Variants in GALNT11 observed in about 807,000 individuals in gnomAD.
GALNT11 encodes polypeptide N-acetylgalactosaminyltransferase 11.
In GALNT11, 47 loss-of-function variants were observed where a neutral mutation model predicts 72.7. The observed-to-expected ratio is 0.65, with a 90% CI of 0.51 to 0.82. The LOEUF (loss-of-function observed/expected upper bound fraction) is 0.82, where lower values mean the gene tolerates loss of function less well. Among genes scored for constraint, GALNT11 ranks in the 40% least tolerant of loss-of-function variants. The probability of loss-of-function intolerance (pLI) is 0.00; values close to 1 mark genes in which losing one functional copy is unlikely to be tolerated. For synonymous variants in GALNT11, 270 were observed against 286.6 expected, an observed-to-expected ratio of 0.94 and a Z score of 0.58; for missense variants, 677 against 778.4, an observed-to-expected ratio of 0.87 and a Z score of 1.55.
intron 1 of GALNT11, among the ~76,000 whole-genome samples, chr7:152,062,756 G>C (rs1332983071): frequency 1.3e-5 from 2 of 152,024 alleles, no homozygotes; most frequent in Non-Finnish European, 2.9e-5. Flanking sequence ...CGTTTATATG[G>C]TAGATTACGT....
At chr7:152,070,994 G>A (rs932390131) in intron 1 of GALNT11, among the ~76,000 whole-genome samples, 2 of 152,282 alleles carry the variant, frequency 1.3e-5, no homozygotes, top group South Asian at 4.1e-4. Context: ...GTGCAAATAG[G>A]TGTAGGTCAC....
chr7:152,075,893 C>G (rs1488780604), intron 1 of GALNT11, among the ~76,000 whole-genome samples: 1 of 151,264 alleles, frequency 6.6e-6, no homozygotes, highest in African/African-American at 2.4e-5. Flanking sequence ...AACCCCGTCT[C>G]TACTAAAAAT....
chr7:152,027,236 G>A (rs148094828), intron 1 of GALNT11, among the ~76,000 whole-genome samples: 4,030 of 152,302 alleles, frequency 0.026, 176 homozygotes, highest in African/African-American at 0.092. Flanking sequence ...GTGACAGAGC[G>A]AGACTCCATC....
chr7:152,034,372 G>C lies in GALNT11; in HGVS notation c.-39+8488G>C, dbSNP rs937605427. Among the ~76,000 whole-genome samples the C allele has an allele frequency of 3.9e-5, 6 of 152,162 alleles. No individual in the cohort carries two copies. In the South Asian group the frequency reaches 1.2e-3, roughly 32 times the overall value. The stretch of plus-strand genomic sequence containing the variant: ...CATTTGCCTTCCCTCTTACAGAAAA[G>C]GTCAAGCTTCAGGATAGTATTGTAA... On this transcript the variant is annotated intron_variant, in intron 1 of 11. Coordinates refer to ENST00000430044, the MANE Select transcript of GALNT11 (RefSeq NM_022087.4).
intron 2 of GALNT11, among the ~76,000 whole-genome samples, chr7:152,099,362 A>ATTTATTTATTTC (rs926404051): frequency 1.2e-4 from 18 of 149,382 alleles, no homozygotes; most frequent in South Asian, 4.2e-4. Flanking sequence ...TTATTTATTT[A>ATTTATTTATTTC]TTTATTTATT....
rs1190930309 is a variant in GALNT11, at chr7:152,025,732, C to T, written c.-191C>T. On this transcript the variant is annotated 5_prime_UTR_variant, in exon 1 of 12. Transcript: ENST00000430044. Reference sequence around the variant, plus strand: ...CCTGGGCCTGAGGAGGCGCGGCCGCCACTGCGCCCAGCGCCTGCGCGACGC... The same window carrying T: ...CCTGGGCCTGAGGAGGCGCGGCCGCTACTGCGCCCAGCGCCTGCGCGACGC... 6.5e-6 allele frequency: 1 copy of T among 152,692 alleles called. No homozygotes were observed. Among genetic ancestry groups the T allele is most frequent in the African/African-American group, 2.4e-5 (1 of 41,270 alleles). The allele number at this position is 152,692 out of a possible 1,614,324, so 9.5% of individuals were successfully genotyped here.
chr7:152,119,959 TC>T (rs1233104044), intron 10 of GALNT11: 2 of 152,218 alleles, frequency 1.3e-5, no homozygotes, highest in African/African-American at 4.8e-5. Flanking sequence ...TGACGCAGTT[TC>T]AGTGGTGTAG....
At chr7:152,088,413 G>A (rs1210939261) in intron 1 of GALNT11, among the ~76,000 whole-genome samples, 1 of 151,542 alleles carries the variant, frequency 6.6e-6, no homozygotes, top group Non-Finnish European at 1.5e-5. Context: ...TTATGAAGGT[G>A]GTAGATTATG....
chr7:152,109,878 G>A (rs1175183881), intron 6 of GALNT11, among the ~76,000 whole-genome samples: 1 of 152,174 alleles, frequency 6.6e-6, no homozygotes, highest in Non-Finnish European at 1.5e-5. Context: ...GAGTCCCTGA[G>A]AGGACTAGTC....
At chr7:152,053,125 C>T (rs1031632450) in intron 1 of GALNT11, among the ~76,000 whole-genome samples, 1 of 152,140 alleles carries the variant, frequency 6.6e-6, no homozygotes, top group Non-Finnish European at 1.5e-5. Flanking sequence ...TTTTTTCCCT[C>T]TGTTCCAAAT....
intron 1 of GALNT11, among the ~76,000 whole-genome samples, chr7:152,037,275 C>T (rs1308498310): frequency 2.6e-5 from 4 of 152,200 alleles, no homozygotes; most frequent in African/African-American, 7.2e-5. Context: ...CATTCTTCTG[C>T]ATATGTATAT....
intron 5 of GALNT11, among the ~76,000 whole-genome samples, chr7:152,106,718 A>G (rs888080070): frequency 1.3e-5 from 2 of 152,074 alleles, no homozygotes; most frequent in African/African-American, 2.4e-5. Context: ...TTTTTCCCTT[A>G]TGATCTCTTC....
intron 1 of GALNT11, among the ~76,000 whole-genome samples, chr7:152,048,583 G>A (rs1011064358): frequency 6.6e-6 from 1 of 151,102 alleles, no homozygotes; most frequent in African/African-American, 2.4e-5. Flanking sequence ...AGGCTGGAGT[G>A]CAGTGGTGCG....
intron 1 of GALNT11, among the ~76,000 whole-genome samples, chr7:152,076,420 G>A (rs1382116862): frequency 6.6e-6 from 1 of 151,974 alleles, no homozygotes; most frequent in Non-Finnish European, 1.5e-5. Flanking sequence ...AATGAAGTGC[G>A]CCGTCTAGGA....
rs183104027 is a variant in GALNT11 at position 152,080,704 on chromosome 7, G to A, written c.-38-13486G>A. ...GGGCCAGGTACAGTGGCTCACGCCT[G>A]TAATCCCAGCACTTTGGGAGGCCTG... On this transcript the variant is annotated intron_variant, in intron 1 of 11. Coordinates refer to ENST00000430044, the MANE Select transcript of GALNT11 (RefSeq NM_022087.4). Among the ~76,000 whole-genome samples, 314 of 152,210 alleles carry A rather than the reference G, an allele frequency of 2.1e-3. 1 individual carries two copies. The highest frequency in any genetic ancestry group is 7.2e-3 in the African/African-American group (299 of 41,524).
At chr7:152,083,590 C>CCCTGGAGT (rs1156466364) in intron 1 of GALNT11, among the ~76,000 whole-genome samples, 1 of 152,074 alleles carries the variant, frequency 6.6e-6, no homozygotes, top group African/African-American at 2.4e-5. Context: ...GATAGAGAAG[C>CCCTGGAGT]CCTGGAGTTC....
chr7:152,072,233 TG>T (rs1364301189), intron 1 of GALNT11, among the ~76,000 whole-genome samples: 1 of 148,038 alleles, frequency 6.8e-6, no homozygotes, highest in Non-Finnish European at 1.5e-5. Flanking sequence ...GCAGAAGAAT[TG>T]CTTCAACCTG....
intron 3 of GALNT11, 94 bp downstream of exon 3, chr7:152,101,015 A>G (rs967680792): frequency 2.0e-6 from 3 of 1,489,790 alleles, no homozygotes; most frequent in African/African-American, 1.4e-5. Context: ...CATATTTCCC[A>G]ATGCAGCGTC....
intron 2 of GALNT11, among the ~76,000 whole-genome samples, chr7:152,097,607 C>T (rs2086475480): frequency 1.3e-5 from 2 of 152,212 alleles, no homozygotes; most frequent in Non-Finnish European, 2.9e-5. Flanking sequence ...TCCAAATATC[C>T]ATCAACTGAT....
Sources: allele counts gnomAD v4.1 joint callset (sites outside exome capture counted in the v4.1 genomes callset), GRCh38; gene constraint gnomAD v4.1.1; transcripts MANE v1.5; gene names NCBI Gene and HGNC (gene_info 2026-07-23, HGNC 2026-07-21).